Variants in ZFYVE9 observed in about 807,000 individuals in gnomAD.
ZFYVE9 encodes the protein zinc finger FYVE domain-containing protein 9.
ZFYVE9 carries 43 observed loss-of-function variants against 126.7 expected under a neutral mutation model. That is an observed-to-expected ratio of 0.34 (90% CI 0.27 to 0.44). The LOEUF is 0.44. Ranked by LOEUF, ZFYVE9 falls within the 20% of genes least tolerant of loss-of-function variation. The probability of loss-of-function intolerance (pLI) is 1.00; values close to 1 mark genes in which losing one functional copy is unlikely to be tolerated. For synonymous variants in ZFYVE9, 521 were observed against 597.4 expected (o/e 0.87, Z 1.87); for missense variants, 1,476 against 1,697.0 (o/e 0.87, Z 2.29).
intron 4 of ZFYVE9, among the ~76,000 whole-genome samples, chr1:52,254,378 TAAA>T (rs35072882): frequency 2.8e-4 from 34 of 120,672 alleles, no homozygotes; most frequent in South Asian, 5.2e-4. Context: ...TTTACATTAC[TAAA>T]AAAAAAAAAA....
chr1:52,229,590 G>A (rs1272561359), intron 2 of ZFYVE9, among the ~76,000 whole-genome samples: 1 of 152,158 alleles, frequency 6.6e-6, no homozygotes, highest in African/African-American at 2.4e-5. Context: ...CTTATACACT[G>A]TTCATTTATT....
At chr1:52,258,130 T>C (rs548680353) in intron 4 of ZFYVE9, among the ~76,000 whole-genome samples, 3 of 152,328 alleles carry the variant, frequency 2.0e-5, no homozygotes, top group African/African-American at 7.2e-5. Context: ...GATACCAGTA[T>C]TAAAAATAAT....
chr1:52,346,013 G>T, intron 18 of ZFYVE9, 47 bp from the exon 19 acceptor site: 1 of 1,508,056 alleles, frequency 6.6e-7, no homozygotes, highest in Non-Finnish European at 8.9e-7. Flanking sequence ...CCCTGGAGAG[G>T]CCTTCTCTGT....
Position 52,345,003 on chromosome 1 carries a change from C to T in ZFYVE9, c.4116+59C>T, listed in dbSNP as rs191618960. The T allele has an allele frequency of 4.1e-3, 6,472 of 1,584,422 alleles. 18 individuals carry two copies. The highest frequency in any genetic ancestry group is 5.1e-3 in the Non-Finnish European group (5,871 of 1,156,232). On this transcript the variant is annotated intron_variant, in intron 18 of 18. Coordinates refer to ENST00000287727, the MANE Select transcript of ZFYVE9 (RefSeq NM_004799.4). ...CCTTGGGCAACGTCTGTATTTCTGA[C>T]GTGAGTTTTTCTGCATCACCCCAGA...
intron 4 of ZFYVE9, among the ~76,000 whole-genome samples, chr1:52,258,678 C>T (rs1284085929): frequency 6.6e-6 from 1 of 152,190 alleles, no homozygotes; most frequent in African/African-American, 2.4e-5. Flanking sequence ...CTGCCCATCT[C>T]CTCTGTGATA....
At chr1:52,162,737 G>T in intron 1 of ZFYVE9, 2 of 299,736 alleles carry the variant, frequency 6.7e-6, no homozygotes, top group Non-Finnish European at 6.7e-6. Flanking sequence ...AATGACTTCG[G>T]CTCCTTCACT....
At chr1:52,144,967 A>C (rs568079853) in intron 1 of ZFYVE9, among the ~76,000 whole-genome samples, 1 of 152,308 alleles carries the variant, frequency 6.6e-6, no homozygotes, top group South Asian at 2.1e-4. Context: ...GTCCTGTTAT[A>C]GGTATTCCAG....
Position 52,239,638 on chromosome 1 carries a change from T to G in ZFYVE9, c.2178+43T>G, listed in dbSNP as rs760493258. ...ACTCAGAAATCGGGCATGCACATTT[T>G]GTAATGCTGAATTAAATAGTAATAA... On this transcript the variant is annotated intron_variant, in intron 4 of 18. Transcript: ENST00000287727. 1.8e-5 allele frequency: 28 copies of G among 1,568,048 alleles called. No homozygotes were observed. The South Asian group carries it at 3.2e-4, about 18-fold the overall frequency.
rs1644576274 is a variant in ZFYVE9, at chr1:52,172,006, G to T, written c.-143+29603G>T. 2.0e-5 allele frequency among the ~76,000 whole-genome samples: 3 copies of T among 151,920 alleles called. No homozygotes were observed. The East Asian group carries it at 5.8e-4, about 29-fold the overall frequency. On this transcript the variant is annotated intron_variant, in intron 1 of 18. Transcript: ENST00000287727. ...CTGTGCAGAAGCTCTTTAGTTTAAT[G>T]AGATCCCATTTGTCAATTTTGGCTT...
chr1:52,254,077 C>A, intron 4 of ZFYVE9: 1 of 766,402 alleles, frequency 1.3e-6, no homozygotes. Context: ...AGACACCCAC[C>A]CATATGAGAC....
chr1:52,327,208 C>G (rs988639818), intron 13 of ZFYVE9, among the ~76,000 whole-genome samples: 1 of 151,936 alleles, frequency 6.6e-6, no homozygotes, highest in African/African-American at 2.4e-5. Context: ...AAGCATTATT[C>G]AAGGTTGAAT....
rs115186126 is a variant in ZFYVE9 at position 52,254,174 on chromosome 1, A to G, written c.2179-9599A>G. ...TATAGATTTCATGATGTATTGTTCA[A>G]TAAGGTGACTTTAAAATGATATGGA... is the stretch of plus-strand genomic sequence containing the variant. On this transcript the variant is annotated intron_variant, in intron 4 of 18. Coordinates refer to ENST00000287727, the MANE Select transcript of ZFYVE9 (RefSeq NM_004799.4). The G allele has an allele frequency of 7.0e-3, 4,374 of 627,608 alleles. 127 individuals are homozygous for G. The highest frequency in any genetic ancestry group is 0.069 in the African/African-American group (3,807 of 55,412). The allele number at this position is 627,608 out of a possible 1,614,324, so 38.9% of individuals were successfully genotyped here. A position where few individuals can be genotyped will look rare whatever the true frequency, so the allele number is the denominator to read the frequency against.
chr1:52,334,612 C>G (rs974084574), intron 14 of ZFYVE9, 76 bp from the exon 15 acceptor site: 3 of 1,474,362 alleles, frequency 2.0e-6, no homozygotes, highest in African/African-American at 2.8e-5. Context: ...TTCTCAACTT[C>G]TGAATATTTT....
chr1:52,189,540 T>G (rs1167799793), intron 1 of ZFYVE9, among the ~76,000 whole-genome samples: 1 of 151,724 alleles, frequency 6.6e-6, no homozygotes, highest in African/African-American at 2.4e-5. Context: ...CCCGGCCTAA[T>G]TTGTTGATTT....
chr1:52,256,798 C>T (rs1253685749), intron 4 of ZFYVE9, among the ~76,000 whole-genome samples: 1 of 149,364 alleles, frequency 6.7e-6, no homozygotes, highest in Non-Finnish European at 1.5e-5. Flanking sequence ...TTGCTATGTG[C>T]TAATAAGTGG....
At chr1:52,300,928 C>T (rs933805722) in intron 12 of ZFYVE9, among the ~76,000 whole-genome samples, 4 of 150,694 alleles carry the variant, frequency 2.7e-5, no homozygotes, top group Non-Finnish European at 4.4e-5. Context: ...GGCACAATCT[C>T]GGCTCACTGC....
At chr1:52,296,201 ATATT>A (rs989756116) in intron 12 of ZFYVE9, among the ~76,000 whole-genome samples, 3 of 151,958 alleles carry the variant, frequency 2.0e-5, no homozygotes, top group Non-Finnish European at 4.4e-5. Flanking sequence ...ACACATATAT[ATATT>A]CTTTTGCAAA....
chr1:52,276,261 A>G (rs1042354104), intron 8 of ZFYVE9, among the ~76,000 whole-genome samples: 2 of 152,004 alleles, frequency 1.3e-5, no homozygotes, highest in Non-Finnish European at 2.9e-5. Context: ...TTTATTATCA[A>G]CTTTATTTCC....
At chr1:52,270,686 G>A (rs1461771078) in intron 7 of ZFYVE9, among the ~76,000 whole-genome samples, 1 of 151,636 alleles carries the variant, frequency 6.6e-6, no homozygotes, top group Non-Finnish European at 1.5e-5. Flanking sequence ...ATATTTCTTT[G>A]GTTTGCTTTA....
Sources: gnomAD v4.1 joint callset for allele counts (sites outside exome capture counted in the v4.1 genomes callset) on GRCh38, gnomAD v4.1.1 for gene constraint, MANE v1.5 for transcripts, NCBI Gene and HGNC (gene_info 2026-07-23, HGNC 2026-07-21) for gene names.